TOGARAM2: variants seen among roughly 807,000 people sequenced by gnomAD.
The protein encoded by TOGARAM2 is TOG array regulator of axonemal microtubules protein 2.
In TOGARAM2, 85 loss-of-function variants were observed where a neutral mutation model predicts 93.3. That is an observed-to-expected ratio of 0.91 (90% CI 0.76 to 1.09). TOGARAM2 has a LOEUF of 1.09. TOGARAM2 is among the 50% of genes least tolerant of loss of function. TOGARAM2 has a pLI of 0.00. For missense variants in TOGARAM2, 1,277 were observed against 1,334.5 expected, an observed-to-expected ratio of 0.96 and a Z score of 0.67; for synonymous variants, 593 against 552.8, an observed-to-expected ratio of 1.07 and a Z score of -1.02.
chr2:29,022,041 T>G, intron 10 of TOGARAM2, 117 bp from the exon 11 acceptor site: 26 of 1,324,872 alleles, frequency 2.0e-5, no homozygotes, highest in Non-Finnish European at 2.5e-5. Context: ...ACCCTCCCTG[T>G]TAGGTGGGCT....
At chr2:28,968,621 A>G (rs1671898843) in intron 1 of TOGARAM2, among the ~76,000 whole-genome samples, 8 of 152,130 alleles carry the variant, frequency 5.3e-5, no homozygotes, top group Admixed American at 5.2e-4. Context: ...AGCCTGGGCA[A>G]CATGGCAAAA....
chr2:28,959,666 CTGGGAGGCGGAGCTTGCAGTGAGCT>C (rs991850629), intron 1 of TOGARAM2, among the ~76,000 whole-genome samples: 1 of 152,068 alleles, frequency 6.6e-6, no homozygotes, highest in Admixed American at 6.5e-5. Context: ...GGCAGTGAAC[CTGGGAGGCGGAGCTTGCAGTGAGCT>C]GAGATCGTGC....
At chr2:28,977,018 G>C (rs998141533), upstream of TOGARAM2, among the ~76,000 whole-genome samples, 1 of 152,150 alleles carries the variant, frequency 6.6e-6, no homozygotes, top group African/African-American at 2.4e-5. Context: ...TTTCTACCTG[G>C]GGGGGCGTGG....
chr2:29,022,093 G>A (rs1664988462), intron 10 of TOGARAM2, 65 bp from the exon 11 acceptor site: 2 of 1,604,084 alleles, frequency 1.2e-6, no homozygotes, highest in African/African-American at 1.3e-5. Context: ...GGTGGCAGGA[G>A]CGGCCACTCG....
intron 1 of TOGARAM2, among the ~76,000 whole-genome samples, chr2:28,968,061 C>T (rs566127703): frequency 6.6e-6 from 1 of 151,890 alleles, no homozygotes; most frequent in East Asian, 1.9e-4. Context: ...TCAGGTGATC[C>T]GCCCGCCTTG....
chr2:29,051,625 T>C, intron 19 of TOGARAM2, 131 bp from the exon 20 acceptor site: 1 of 628,308 alleles, frequency 1.6e-6, no homozygotes. Context: ...CTGCTAAATG[T>C]GTCATGATCC....
At chr2:29,038,413 C>T (rs926004470) in intron 18 of TOGARAM2, among the ~76,000 whole-genome samples, 2 of 152,102 alleles carry the variant, frequency 1.3e-5, no homozygotes, top group African/African-American at 2.4e-5. Flanking sequence ...GAATGGAGTC[C>T]AGTAAATCCC....
At chr2:29,007,796 G>C (rs147282442) in intron 6 of TOGARAM2, among the ~76,000 whole-genome samples, 15 of 151,960 alleles carry the variant, frequency 9.9e-5, no homozygotes, top group African/African-American at 3.6e-4. Context: ...CTGTCCCCCA[G>C]TGCTTGTTCT....
chr2:29,004,867 G>A (rs1428187271), intron 6 of TOGARAM2, among the ~76,000 whole-genome samples: 1 of 151,372 alleles, frequency 6.6e-6, no homozygotes, highest in Admixed American at 6.6e-5. Context: ...AGTTGTGTGT[G>A]CATGTGTGTG....
chr2:28,973,490 G>T lies in TOGARAM2; in HGVS notation c.-147+16793G>T, dbSNP rs55882210. 3.8e-4 allele frequency among the ~76,000 whole-genome samples: 16 copies of T among 42,304 alleles called. No homozygotes were observed. In the South Asian group the frequency reaches 0.012, roughly 31 times the overall value. The allele number at this position is 42,304 out of a possible 152,430, so 27.8% of individuals were successfully genotyped here. A position where few individuals can be genotyped will look rare whatever the true frequency, so the allele number is the denominator to read the frequency against. On this transcript the variant is annotated intron_variant, in intron 1 of 6. Transcript: ENST00000401723. ...TCCTCCCTCCCTCCCTCCCTCCTTC[G>T]TTCTTCTCCCTCCCTCCTTCCCTCC...
intron 13 of TOGARAM2, 77 bp from the exon 14 acceptor site, chr2:29,026,776 T>C: frequency 7.2e-7 from 1 of 1,394,966 alleles, no homozygotes; most frequent in South Asian, 1.6e-5. Context: ...TCTGCAATGG[T>C]AGATCCATGT....
Position 29,023,193 on chromosome 2 carries a change from T to C in TOGARAM2, c.1617+2T>C, listed in dbSNP as rs1174905827. On this transcript the variant is annotated splice_donor_variant, in intron 12 of 19. Coordinates refer to ENST00000379558, the MANE Select transcript of TOGARAM2 (RefSeq NM_199280.4). LOFTEE classifies it high-confidence loss of function. ...GTGTGCTTGGTGGTGACTGGGGAGG[T>C]GAGGCCCCCCAGCCTGTGTGCTGTG... 6.3e-7 allele frequency: 1 copy of C among 1,578,164 alleles called. No homozygotes were observed. Among genetic ancestry groups the C allele is most frequent in the Admixed American group, 1.8e-5 (1 of 54,248 alleles).
At position 29,017,206 on chromosome 2, in the gene TOGARAM2, T is replaced by C. The variant is rs1216763169; in HGVS notation, c.1097T>C (p.Met366Thr). The change falls in exon 9 of 20, where the codon ATG (methionine) becomes ACG (threonine). Residue 366 changes from methionine to threonine, a missense_variant. Coordinates refer to ENST00000379558, the MANE Select transcript of TOGARAM2 (RefSeq NM_199280.4). The part of the protein sequence containing the change: ...SAREKMQLKQ[M>T]KEMELLRRLE... ...CGGGAGAAGATGCAGCTGAAGCAGA[T>C]GAAGGAGATGGAGCTGCTTCGGAGG... 6.2e-7 allele frequency: 1 copy of C among 1,613,902 alleles called. No individual in the cohort carries two copies. The highest frequency in any genetic ancestry group is 8.5e-7 in the Non-Finnish European group (1 of 1,179,864).
chr2:29,002,557 G>A lies in TOGARAM2; in HGVS notation c.449G>A (p.Gly150Asp). 1 of 1,613,614 alleles carries A rather than the reference G, an allele frequency of 6.2e-7. No homozygotes were observed. Among genetic ancestry groups the A allele is most frequent in the South Asian group, 1.1e-5 (1 of 91,046 alleles). The stretch of plus-strand genomic sequence containing the variant: ...ACAGCCTCTCTGGATCCAGGGGGAG[G>A]CCCCCAAGGAGTTCCCCTGCACAGC... Reference protein sequence around the residue: ...SSRASLDPGGGPQGVPLHSTI... With the variant: ...SSRASLDPGGDPQGVPLHSTI... The change falls in exon 5 of 20, where the codon GGC becomes GAC. Residue 150 changes from glycine to aspartate, a missense_variant. Gly to Asp is a moderately conservative substitution (Grantham distance 94). Coordinates refer to ENST00000379558, the MANE Select transcript of TOGARAM2 (RefSeq NM_199280.4).
In TOGARAM2 at chr2:29,036,718, G is replaced by C. The variant is rs770935644; in HGVS notation, c.2596G>C (p.Ala866Pro). Reference sequence around the variant, plus strand: ...CTCCAAGAACTCAGGGATTTACGCTGCTGCCGTGGCTGTGCTGGATGCGAT... The same window carrying C: ...CTCCAAGAACTCAGGGATTTACGCTCCTGCCGTGGCTGTGCTGGATGCGAT... ...LNSKNSGIYAAAVAVLDAMVE... is the reference protein window; with the variant it reads ...LNSKNSGIYAPAVAVLDAMVE... The change falls in exon 18 of 20, where the codon GCT (alanine) becomes CCT (proline). Residue 866 changes from alanine to proline, a missense_variant. Physicochemically the swap from Ala to Pro is conservative, Grantham distance 27. Transcript: ENST00000379558. The C allele has an allele frequency of 1.9e-6, 3 of 1,613,794 alleles. No homozygotes were observed. Among genetic ancestry groups the C allele is most frequent in the Non-Finnish European group, 2.5e-6 (3 of 1,179,864 alleles).
chr2:29,001,657 C>A (rs538336696), intron 4 of TOGARAM2, among the ~76,000 whole-genome samples: 6 of 152,130 alleles, frequency 3.9e-5, no homozygotes, highest in African/African-American at 1.4e-4. Flanking sequence ...TGTGCCACCA[C>A]GCCCGGCTAA....
chr2:28,958,848 T>C (rs1671760620), intron 1 of TOGARAM2, among the ~76,000 whole-genome samples: 1 of 152,228 alleles, frequency 6.6e-6, no homozygotes, highest in Non-Finnish European at 1.5e-5. Flanking sequence ...CCCAGCCTTC[T>C]GGGAGAGCAG....
intron 14 of TOGARAM2, among the ~76,000 whole-genome samples, chr2:29,030,850 C>T (rs1404603060): frequency 6.6e-6 from 1 of 152,160 alleles, no homozygotes; most frequent in East Asian, 1.9e-4. Context: ...AGCATCAGTC[C>T]CCATTTCTAA....
At chr2:29,014,860 A>C (rs1328216971) in intron 8 of TOGARAM2, among the ~76,000 whole-genome samples, 1 of 152,180 alleles carries the variant, frequency 6.6e-6, no homozygotes, top group African/African-American at 2.4e-5. Context: ...GGGAGGTTGC[A>C]CAGGGCTCAC....
Sources: allele counts gnomAD v4.1 joint callset (sites outside exome capture counted in the v4.1 genomes callset), GRCh38; gene constraint gnomAD v4.1.1; transcripts MANE v1.5; gene names NCBI Gene and HGNC (gene_info 2026-07-23, HGNC 2026-07-21).